The following SLC26A4 variants were observed in gnomAD, a reference collection of about 807,000 sequenced individuals.
The protein encoded by SLC26A4 is solute carrier family 26 member 4, also known as pendrin.
In SLC26A4, 93 loss-of-function variants were observed where a neutral mutation model predicts 90.4. The ratio of observed to expected loss-of-function variants is 1.03; its 90% CI spans 0.87 to 1.22. The LOEUF (loss-of-function observed/expected upper bound fraction) is 1.22. Among genes scored for constraint, SLC26A4 ranks in the 50% most tolerant of loss-of-function variants. The pLI is 0.00. For synonymous variants in SLC26A4, 393 were observed against 354.6 expected (o/e 1.11, Z -1.22); for missense variants, 1,127 against 946.2 (o/e 1.19, Z -2.51).
chr7:107,664,350 G>A (rs1790652842), intron 3 of SLC26A4, among the ~76,000 whole-genome samples: 1 of 152,206 alleles, frequency 6.6e-6, no homozygotes, highest in African/African-American at 2.4e-5. Context: ...TTGTGCCTCA[G>A]CCTTCTGAGT....
At chr7:107,704,476 C>CT (rs546657902) in intron 18 of SLC26A4, 91 bp downstream of exon 18, 19,251 of 506,200 alleles carry the variant, frequency 0.038, no homozygotes, top group East Asian at 0.047. Flanking sequence ...GTCTGAAGGC[C>CT]TTTTTTTTTT....
At chr7:107,690,385 C>A in intron 10 of SLC26A4, 148 bp downstream of exon 10, 1 of 672,490 alleles carries the variant, frequency 1.5e-6, no homozygotes, top group Non-Finnish European at 2.7e-6. Flanking sequence ...TCCTCTTGTT[C>A]CACTCCCTCA....
intron 6 of SLC26A4, 80 bp from the exon 7 acceptor site, chr7:107,683,122 T>C: frequency 9.7e-7 from 1 of 1,029,134 alleles, no homozygotes; most frequent in South Asian, 1.4e-5. Flanking sequence ...CATATGAGAA[T>C]TGATTGTGTG....
In SLC26A4 at chr7:107,674,304, G is replaced by T. The variant is rs760040670; in HGVS notation, c.556G>T (p.Val186Phe). 8.1e-6 allele frequency: 13 copies of T among 1,613,892 alleles called. No homozygotes were observed. The highest frequency in any genetic ancestry group is 1.3e-5 in the African/African-American group (1 of 74,900). ...IDTAARDTAR[V>F]LIASALTLLV... ...CACTGCAGCTAGAGATACAGCTAGAGTCCTGATTGCCAGTGCCCTGACTCT... is the reference window on the plus strand; with the variant it reads ...CACTGCAGCTAGAGATACAGCTAGATTCCTGATTGCCAGTGCCCTGACTCT... Residue 186 changes from valine to phenylalanine, a missense_variant, in exon 5 of 21, where the codon GTC becomes TTC. Val to Phe is a conservative substitution (Grantham distance 50). Coordinates refer to ENST00000644269, the MANE Select transcript of SLC26A4 (RefSeq NM_000441.2).
At chr7:107,673,837 C>T (rs533209375) in intron 4 of SLC26A4, among the ~76,000 whole-genome samples, 20 of 152,156 alleles carry the variant, frequency 1.3e-4, no homozygotes, top group African/African-American at 4.8e-4. Flanking sequence ...CAAGCAATCC[C>T]CCCACCTCAG....
At chr7:107,673,789 C>T (rs1584306078) in intron 4 of SLC26A4, among the ~76,000 whole-genome samples, 2 of 152,068 alleles carry the variant, frequency 1.3e-5, no homozygotes, top group Non-Finnish European at 1.5e-5. Context: ...AGTGCGGTGG[C>T]GTGATCTCAG....
intron 3 of SLC26A4, 131 bp downstream of exon 3, chr7:107,663,566 GGA>G (rs892295573): frequency 1.9e-5 from 19 of 988,422 alleles, no homozygotes; most frequent in Non-Finnish European, 2.7e-5. Flanking sequence ...GCCCCTTAGT[GGA>G]GAGAGTCACC....
In SLC26A4 at chr7:107,680,154, T is replaced by C. The variant is rs1304544162; in HGVS notation, c.766-3048T>C. Among the ~76,000 whole-genome samples the C allele has an allele frequency of 6.4e-5, 8 of 124,280 alleles. No individual in the cohort carries two copies. The East Asian group carries it at 1.6e-3, about 25-fold the overall frequency. The allele number at this position is 124,280 out of a possible 152,430, so 81.5% of individuals were successfully genotyped here. ...ATTATATAATATAATCTTATCTTAT[T>C]ATATAATATAATCTTATCTTATTAT... is the stretch of plus-strand genomic sequence containing the variant. On this transcript the variant is annotated intron_variant, in intron 6 of 20. Coordinates refer to ENST00000644269, the MANE Select transcript of SLC26A4 (RefSeq NM_000441.2).
chr7:107,702,032 T>C lies in SLC26A4; in HGVS notation c.2009T>C (p.Val670Ala), dbSNP rs200712253. 1.2e-5 allele frequency: 19 copies of C among 1,613,066 alleles called. No individual in the cohort carries two copies. The East Asian group carries it at 3.8e-4, about 32-fold the overall frequency. ...LDCGAISFLD[V>A]VGVRSLRVIV... is the part of the protein sequence containing the mutation. ...TGTGGAGCTATATCTTTCCTGGACG[T>C]TGTTGGAGTGAGATCACTGCGGGTG... The change falls in exon 17 of 21, where the codon GTT becomes GCT. Residue 670 changes from valine to alanine, a missense_variant. By Grantham distance (64) the Val-to-Ala change is moderately conservative. Coordinates refer to ENST00000644269, the MANE Select transcript of SLC26A4 (RefSeq NM_000441.2).
At chr7:107,692,944 A>G (rs1791616726) in intron 10 of SLC26A4, 1 of 152,094 alleles carries the variant, frequency 6.6e-6, no homozygotes, top group Admixed American at 6.6e-5. Context: ...ATTGGCAAGT[A>G]GGTGGCCACT....
At chr7:107,691,703 A>C in intron 10 of SLC26A4, 1 of 465,786 alleles carries the variant, frequency 2.1e-6, no homozygotes, top group Non-Finnish European at 2.8e-6. Flanking sequence ...CAGACTTGGA[A>C]GAATTGGCCT....
intron 6 of SLC26A4, among the ~76,000 whole-genome samples, chr7:107,679,314 A>T (rs1195615364): frequency 6.6e-6 from 1 of 152,206 alleles, no homozygotes; most frequent in Non-Finnish European, 1.5e-5. Context: ...CTATTTCAGT[A>T]TGTAAAATTT....
At chr7:107,704,450 A>G (rs1764387009) in intron 18 of SLC26A4, 65 bp downstream of exon 18, 1 of 743,896 alleles carries the variant, frequency 1.3e-6, no homozygotes, top group Admixed American at 2.0e-5. Context: ...CCTATCTGGG[A>G]CTGTGGTCAC....
chr7:107,691,544 C>A (rs1396695515), intron 10 of SLC26A4, among the ~76,000 whole-genome samples: 1 of 82,850 alleles, frequency 1.2e-5, no homozygotes, highest in African/African-American at 3.6e-5. Flanking sequence ...CACACACACA[C>A]AAACATATAT....
At chr7:107,700,775 A>G (rs1791863511) in intron 15 of SLC26A4, among the ~76,000 whole-genome samples, 1 of 152,240 alleles carries the variant, frequency 6.6e-6, no homozygotes, top group African/African-American at 2.4e-5. Context: ...AGATTTTGCA[A>G]TAACAAAAGG....
At chr7:107,684,845 A>G (rs1208292541) in intron 8 of SLC26A4, among the ~76,000 whole-genome samples, 1 of 152,230 alleles carries the variant, frequency 6.6e-6, no homozygotes, top group Non-Finnish European at 1.5e-5. Context: ...GATACTTTAC[A>G]GATCTCTTTT....
At chr7:107,691,544 CAA>C (rs1791578609) in intron 10 of SLC26A4, among the ~76,000 whole-genome samples, 2 of 82,850 alleles carry the variant, frequency 2.4e-5, no homozygotes, top group Non-Finnish European at 5.2e-5. Flanking sequence ...CACACACACA[CAA>C]ACATATATAT....
intron 6 of SLC26A4, among the ~76,000 whole-genome samples, chr7:107,679,843 A>T (rs1433208455): frequency 2.0e-5 from 2 of 101,066 alleles, no homozygotes; most frequent in Admixed American, 2.3e-4. Flanking sequence ...ATTATTATAT[A>T]ATCTTATATT....
intron 3 of SLC26A4, among the ~76,000 whole-genome samples, chr7:107,665,998 A>G (rs1790700197): frequency 6.6e-6 from 1 of 152,176 alleles, no homozygotes; most frequent in Non-Finnish European, 1.5e-5. Context: ...CATTCACTTA[A>G]TAAATATTTA....
Sources: gnomAD v4.1 joint callset for allele counts (sites outside exome capture counted in the v4.1 genomes callset) on GRCh38, gnomAD v4.1.1 for gene constraint, MANE v1.5 for transcripts, NCBI Gene and HGNC (gene_info 2026-07-23, HGNC 2026-07-21) for gene names.